The following ENOX1 variants were observed in gnomAD, a reference collection of about 807,000 sequenced individuals.
ENOX1 encodes the protein ecto-NOX disulfide-thiol exchanger 1.
A neutral mutation model predicts 82.5 loss-of-function variants in ENOX1; 42 were observed. The observed-to-expected ratio is 0.51, with a 90% CI of 0.40 to 0.66. The LOEUF (loss-of-function observed/expected upper bound fraction) is 0.66, where lower values mean the gene tolerates loss of function less well. Ranked by LOEUF, ENOX1 falls within the 30% of genes least tolerant of loss-of-function variation. The pLI is 0.00. For missense variants in ENOX1, 608 were observed against 811.6 expected (o/e 0.75, Z 3.05); for synonymous variants, 271 against 282.2 (o/e 0.96, Z 0.40).
intron 3 of ENOX1, among the ~76,000 whole-genome samples, chr13:43,456,375 C>G (rs4494445): frequency 1.3e-5 from 2 of 151,570 alleles, no homozygotes; most frequent in Non-Finnish European, 2.9e-5. Context: ...ATGAAACAAA[C>G]GATTCATTTA....
intron 12 of ENOX1, among the ~76,000 whole-genome samples, chr13:43,272,272 C>G (rs900602379): frequency 6.6e-6 from 1 of 152,212 alleles, no homozygotes. Flanking sequence ...TACCCCAATT[C>G]TTCCCACTGT....
At chr13:43,598,835 CAGAGGCTCTAAAGGAA>C (rs2153730413) in intron 2 of ENOX1, among the ~76,000 whole-genome samples, 1 of 152,130 alleles carries the variant, frequency 6.6e-6, no homozygotes, top group East Asian at 1.9e-4. Flanking sequence ...AGCAGTTTAA[CAGAGGCTCTAAAGGAA>C]AGAGCAAACT....
chr13:43,215,357 T>A (rs1378345920), intron 16 of ENOX1, among the ~76,000 whole-genome samples: 1 of 152,226 alleles, frequency 6.6e-6, no homozygotes, highest in Non-Finnish European at 1.5e-5. Context: ...TGTTTTGAAA[T>A]CTGAATGCAT....
intron 2 of ENOX1, among the ~76,000 whole-genome samples, chr13:43,659,108 C>T (rs540832907): frequency 4.7e-4 from 71 of 151,992 alleles, no homozygotes; most frequent in Non-Finnish European, 8.8e-4. Context: ...TTAATTTCAC[C>T]TCCTAACCCT....
intron 5 of ENOX1, among the ~76,000 whole-genome samples, chr13:43,397,771 C>T (rs1488774158): frequency 6.6e-6 from 1 of 152,156 alleles, no homozygotes; most frequent in Non-Finnish European, 1.5e-5. Flanking sequence ...ATGCCCAAAA[C>T]ATCTTTTTCA....
chr13:43,718,969 A>G (rs1036123972), intron 1 of ENOX1, among the ~76,000 whole-genome samples: 13 of 152,164 alleles, frequency 8.5e-5, no homozygotes, highest in Non-Finnish European at 1.9e-4. Context: ...ACCAAGAAAT[A>G]TTCCATACAT....
At chr13:43,289,210 G>A (rs985866497) in intron 12 of ENOX1, among the ~76,000 whole-genome samples, 5 of 151,550 alleles carry the variant, frequency 3.3e-5, no homozygotes, top group Non-Finnish European at 5.9e-5. Flanking sequence ...CAGAATTAAG[G>A]AAAACTATTA....
intron 1 of ENOX1, among the ~76,000 whole-genome samples, chr13:43,741,662 T>C (rs1423160632): frequency 6.6e-6 from 1 of 152,252 alleles, no homozygotes; most frequent in Non-Finnish European, 1.5e-5. Context: ...ATACATGATT[T>C]GCAACTTTTT....
Position 43,412,887 on chromosome 13 carries a change from T to C in ENOX1, c.28A>G (p.Ile10Val), listed in dbSNP as rs779990104. The stretch of plus-strand genomic sequence containing the variant: ...GGAAGCTCCTGGGGAAGCTGGGTGA[T>C]GTTCTCAACTCCACCTGCATCTACC... MVDAGGVEN[I>V]TQLPQELPQM... The change falls in exon 4 of 17, where the codon ATC becomes GTC. Residue 10 changes from isoleucine to valine, a missense_variant. Transcript: ENST00000690772. 2.1e-5 allele frequency: 34 copies of C among 1,613,994 alleles called. No individual in the cohort carries two copies. The Admixed American group carries it at 2.3e-4, about 11-fold the overall frequency.
At chr13:43,375,417 T>A (rs936678759) in intron 5 of ENOX1, among the ~76,000 whole-genome samples, 1 of 152,228 alleles carries the variant, frequency 6.6e-6, no homozygotes, top group South Asian at 2.1e-4. Context: ...CATACTGCCC[T>A]AGGTCCTTCT....
At chr13:43,359,690 C>T (rs1284411411) in intron 7 of ENOX1, 161 bp downstream of exon 7, 7 of 649,852 alleles carry the variant, frequency 1.1e-5, no homozygotes, top group South Asian at 3.8e-5. Context: ...ACAGGCTTAG[C>T]GCAGAGCTTC....
chr13:43,586,802 C>T (rs768773918), intron 2 of ENOX1, among the ~76,000 whole-genome samples: 25 of 152,052 alleles, frequency 1.6e-4, no homozygotes, highest in African/African-American at 3.4e-4. Flanking sequence ...CGGTGGCTCA[C>T]GCCTGTAATC....
chr13:43,543,654 C>T (rs2078842004), intron 2 of ENOX1, among the ~76,000 whole-genome samples: 1 of 149,316 alleles, frequency 6.7e-6, no homozygotes, highest in African/African-American at 2.5e-5. Context: ...TTTCTGTTAC[C>T]CATAATGATG....
chr13:43,708,806 C>T (rs2087493209), intron 1 of ENOX1, among the ~76,000 whole-genome samples: 1 of 152,008 alleles, frequency 6.6e-6, no homozygotes, highest in Non-Finnish European at 1.5e-5. Flanking sequence ...AAGAAAAAAC[C>T]TTTATGACAT....
At chr13:43,620,666 A>G (rs1414580190) in intron 2 of ENOX1, among the ~76,000 whole-genome samples, 1 of 152,176 alleles carries the variant, frequency 6.6e-6, no homozygotes, top group African/African-American at 2.4e-5. Context: ...ATGGCCTATC[A>G]TATGGTTTAC....
At chr13:43,740,335 C>G (rs1481729908) in intron 1 of ENOX1, among the ~76,000 whole-genome samples, 1 of 149,534 alleles carries the variant, frequency 6.7e-6, no homozygotes, top group Admixed American at 6.6e-5. Flanking sequence ...AAGAAGTGAC[C>G]TCAACCAATT....
chr13:43,551,714 C>T (rs2079203152), intron 2 of ENOX1, among the ~76,000 whole-genome samples: 1 of 152,032 alleles, frequency 6.6e-6, no homozygotes, highest in Non-Finnish European at 1.5e-5. Flanking sequence ...GCAAAATTGC[C>T]CACAAAGCTG....
At chr13:43,685,000 A>C (rs1011737269) in intron 1 of ENOX1, among the ~76,000 whole-genome samples, 2 of 152,234 alleles carry the variant, frequency 1.3e-5, no homozygotes, top group Non-Finnish European at 2.9e-5. Flanking sequence ...GCTAGTTTTT[A>C]GAAATTACTG....
intron 11 of ENOX1, among the ~76,000 whole-genome samples, chr13:43,303,912 A>T (rs2046721895): frequency 6.6e-6 from 1 of 152,226 alleles, no homozygotes; most frequent in East Asian, 1.9e-4. Context: ...TTTGAGAGCC[A>T]CTGCTCAGAC....
Sources: gnomAD v4.1 joint callset for allele counts (sites outside exome capture counted in the v4.1 genomes callset) on GRCh38, gnomAD v4.1.1 for gene constraint, MANE v1.5 for transcripts, NCBI Gene and HGNC (gene_info 2026-07-23, HGNC 2026-07-21) for gene names.